Variants in TRPM6 observed in about 807,000 individuals in gnomAD.
TRPM6 encodes the protein channel kinase 2.
TRPM6 carries 111 observed loss-of-function variants against 247.6 expected under a neutral mutation model. The observed-to-expected ratio is 0.45, with a 90% CI of 0.38 to 0.52. The LOEUF is 0.52. Among genes scored for constraint, TRPM6 ranks in the 20% least tolerant of loss-of-function variants. The pLI is 0.00. For missense variants in TRPM6, 2,126 were observed against 2,421.5 expected (o/e 0.88, Z 2.56); for synonymous variants, 892 against 853.8 (o/e 1.04, Z -0.78).
chr9:74,741,866 G>T (rs1825875329), intron 33 of TRPM6, among the ~76,000 whole-genome samples: 1 of 151,010 alleles, frequency 6.6e-6, no homozygotes. Flanking sequence ...CTCCAGCCTG[G>T]GCAACGAGAG....
chr9:74,879,941 T>G (rs997500893), intron 1 of TRPM6, among the ~76,000 whole-genome samples: 4 of 152,174 alleles, frequency 2.6e-5, no homozygotes, highest in African/African-American at 9.7e-5. Context: ...AGGAGGCAGA[T>G]GTAGTCTTGG....
At chr9:74,852,955 G>A (rs1428648426) in intron 3 of TRPM6, among the ~76,000 whole-genome samples, 2 of 150,986 alleles carry the variant, frequency 1.3e-5, no homozygotes, top group African/African-American at 2.4e-5. Context: ...GCCGCCCATC[G>A]TCTGGGATGT....
intron 16 of TRPM6, among the ~76,000 whole-genome samples, chr9:74,801,491 C>G (rs1828336809): frequency 6.6e-6 from 1 of 152,116 alleles, no homozygotes; most frequent in South Asian, 2.1e-4. Flanking sequence ...CTCTCTGGCT[C>G]TTTAAGACAA....
chr9:74,886,852 G>C (rs769998078), intron 1 of TRPM6, among the ~76,000 whole-genome samples: 8 of 152,238 alleles, frequency 5.3e-5, no homozygotes, highest in Non-Finnish European at 8.8e-5. Context: ...TAGTGATGCA[G>C]CTGGGATGCT....
intron 11 of TRPM6, among the ~76,000 whole-genome samples, chr9:74,813,971 C>G (rs1482175618): frequency 6.6e-6 from 1 of 152,128 alleles, no homozygotes; most frequent in African/African-American, 2.4e-5. Context: ...GTGGCAGGAA[C>G]CTGTAATCCC....
At chr9:74,729,116 C>T (rs532096447) in intron 37 of TRPM6, among the ~76,000 whole-genome samples, 12 of 152,322 alleles carry the variant, frequency 7.9e-5, no homozygotes, top group African/African-American at 2.9e-4. Flanking sequence ...TGACACTGCA[C>T]ACCACAGAGC....
At chr9:74,790,293 A>G (rs569692914) in intron 19 of TRPM6, among the ~76,000 whole-genome samples, 1 of 152,296 alleles carries the variant, frequency 6.6e-6, no homozygotes, top group African/African-American at 2.4e-5. Flanking sequence ...GTAAATTTCA[A>G]TAATTCTATA....
At chr9:74,801,067 A>G (rs1828314653) in intron 16 of TRPM6, among the ~76,000 whole-genome samples, 1 of 151,622 alleles carries the variant, frequency 6.6e-6, no homozygotes. Flanking sequence ...TTTCGAGGAG[A>G]ATGTTTCCTC....
intron 1 of TRPM6, among the ~76,000 whole-genome samples, chr9:74,884,381 C>T (rs1259509051): frequency 4.0e-5 from 6 of 148,590 alleles, no homozygotes; most frequent in East Asian, 2.1e-4. Context: ...CCCAGCTACT[C>T]GGGAGGCTGA....
Position 74,800,377 on chromosome 9 carries a change from C to A in TRPM6, c.2115G>T (p.Ser705=). The A allele has an allele frequency of 1.2e-6, 2 of 1,613,940 alleles. No homozygotes were observed. The highest frequency in any genetic ancestry group is 2.2e-5 in the South Asian group (2 of 91,064). Reference sequence around the variant, plus strand: ...CCGACACGGCCAGTTTAAGGCAGGTCGAATTGCTCCAGTTCCTGAGTTCAT... The same window carrying A: ...CCGACACGGCCAGTTTAAGGCAGGTAGAATTGCTCCAGTTCCTGAGTTCAT... ...LTYELRNWSN[S]TCLKLAVSGG... is the part of the protein sequence containing the mutation. Residue 705 remains serine (S), a synonymous_variant, in exon 17 of 39, where the codon TCG becomes TCT. Coordinates refer to ENST00000360774, the MANE Select transcript of TRPM6 (RefSeq NM_017662.5).
intron 3 of TRPM6, among the ~76,000 whole-genome samples, chr9:74,846,287 T>C (rs561204897): frequency 6.6e-6 from 1 of 152,290 alleles, no homozygotes; most frequent in African/African-American, 2.4e-5. Flanking sequence ...GCGCAAATTG[T>C]TTGCTTCTTT....
At chr9:74,813,817 C>A (rs1054799135) in intron 11 of TRPM6, among the ~76,000 whole-genome samples, 8 of 152,210 alleles carry the variant, frequency 5.3e-5, no homozygotes, top group African/African-American at 1.9e-4. Context: ...GTATTCTGGG[C>A]CGGGCACAGG....
At chr9:74,777,595 A>G (rs1827268411) in intron 23 of TRPM6, among the ~76,000 whole-genome samples, 1 of 152,190 alleles carries the variant, frequency 6.6e-6, no homozygotes, top group Non-Finnish European at 1.5e-5. Flanking sequence ...CTACCACACT[A>G]TCAAAAAGTT....
At position 74,791,569 on chromosome 9, in the gene TRPM6, C is replaced by T. The variant is rs530318347; in HGVS notation, c.2538+1055G>A. 8.5e-5 allele frequency among the ~76,000 whole-genome samples: 13 copies of T among 152,220 alleles called. No individual in the cohort carries two copies. The South Asian group carries it at 2.5e-3, about 29-fold the overall frequency. On this transcript the variant is annotated intron_variant, in intron 19 of 38. Coordinates refer to ENST00000360774, the MANE Select transcript of TRPM6 (RefSeq NM_017662.5). ...AGCACCAAACACATCTAAAGCACAG[C>T]TCATGCTTTCTCTGTAGCTCTACTA...
rs11144086 is a variant in TRPM6 at position 74,791,753 on chromosome 9, A to C, written c.2538+871T>G. 3.4e-3 allele frequency among the ~76,000 whole-genome samples: 523 copies of C among 152,038 alleles called. 3 individuals are homozygous for C. Among genetic ancestry groups the C allele is most frequent in the Non-Finnish European group, 5.7e-3 (388 of 67,970 alleles). On this transcript the variant is annotated intron_variant, in intron 19 of 38. Transcript: ENST00000360774. ...TTCCTACAAACAAAAAGCTGATTCAATTGCTGATTTTCTTTTTTTTGAGAT... is the reference window on the plus strand; with the variant it reads ...TTCCTACAAACAAAAAGCTGATTCACTTGCTGATTTTCTTTTTTTTGAGAT...
At position 74,743,980 on chromosome 9, in the gene TRPM6, C is replaced by G. The variant is rs1055895466; in HGVS notation, c.5134+115G>C. On this transcript the variant is annotated intron_variant, in intron 32 of 38. Transcript: ENST00000360774. ...TTCTTCCCATCAAAGTGAACAATAACTTTTCAAGTCGCGAGCCATGTCAGT... is the reference window on the plus strand; with the variant it reads ...TTCTTCCCATCAAAGTGAACAATAAGTTTTCAAGTCGCGAGCCATGTCAGT... The G allele has an allele frequency of 8.7e-6, 9 of 1,040,318 alleles. No homozygotes were observed. In the Admixed American group the frequency reaches 1.2e-4, roughly 14 times the overall value. The allele number at this position is 1,040,318 out of a possible 1,614,324, so 64.4% of individuals were successfully genotyped here. A position where few individuals can be genotyped will look rare whatever the true frequency, so the allele number is the denominator to read the frequency against.
chr9:74,810,490 A>C (rs1437931104), intron 13 of TRPM6, among the ~76,000 whole-genome samples: 2 of 152,238 alleles, frequency 1.3e-5, no homozygotes, highest in African/African-American at 4.8e-5. Context: ...ATTTATTTCC[A>C]GCTGGTATCA....
chr9:74,841,010 A>G (rs1002417968), intron 4 of TRPM6, among the ~76,000 whole-genome samples: 2 of 152,160 alleles, frequency 1.3e-5, no homozygotes, highest in Non-Finnish European at 2.9e-5. Flanking sequence ...AGATTTGCAT[A>G]ATTTAAATTA....
At chr9:74,753,390 T>C (rs953582460) in intron 28 of TRPM6, among the ~76,000 whole-genome samples, 3 of 151,552 alleles carry the variant, frequency 2.0e-5, no homozygotes, top group Non-Finnish European at 4.4e-5. Context: ...ATACAAGAAG[T>C]ATAAAAAATA....
Sources: allele counts gnomAD v4.1 joint callset (sites outside exome capture counted in the v4.1 genomes callset), GRCh38; gene constraint gnomAD v4.1.1; transcripts MANE v1.5; gene names NCBI Gene and HGNC (gene_info 2026-07-23, HGNC 2026-07-21).